GALNT9: variants seen among roughly 807,000 people sequenced by gnomAD.
GALNT9 encodes the protein polypeptide N-acetylgalactosaminyltransferase 9.
GALNT9 carries 47 observed loss-of-function variants against 63.1 expected under a neutral mutation model. The observed-to-expected ratio is 0.75, with a 90% CI of 0.59 to 0.95. The LOEUF (loss-of-function observed/expected upper bound fraction) is 0.95. GALNT9 is among the 40% of genes least tolerant of loss of function. The pLI, the probability that GALNT9 is intolerant of heterozygous loss-of-function variation, is 0.00. For synonymous variants in GALNT9, 396 were observed against 365.7 expected (o/e 1.08, Z -0.94); for missense variants, 829 against 874.8 (o/e 0.95, Z 0.66).
At chr12:132,241,167 A>G (rs1311355249) in intron 6 of GALNT9, among the ~76,000 whole-genome samples, 86 of 103,452 alleles carry the variant, frequency 8.3e-4, no homozygotes, top group South Asian at 1.5e-3. Flanking sequence ...CACACGCCAC[A>G]CCCCCTTCCC....
chr12:132,222,899 C>CCCCAAACAA (rs1555235647), intron 6 of GALNT9, among the ~76,000 whole-genome samples: 1 of 98,230 alleles, frequency 1.0e-5, no homozygotes, highest in East Asian at 3.0e-4. Context: ...ACAACCCGCA[C>CCCCAAACAA]CCCACACCCC....
intron 5 of GALNT9, among the ~76,000 whole-genome samples, chr12:132,249,308 C>T (rs1736894710): frequency 6.6e-6 from 1 of 152,226 alleles, no homozygotes; most frequent in African/African-American, 2.4e-5. Context: ...TGATCCTCCT[C>T]TGCGTATCAA....
intron 1 of GALNT9, among the ~76,000 whole-genome samples, chr12:132,304,422 C>A (rs369772773): frequency 1.6e-5 from 1 of 62,390 alleles, no homozygotes; most frequent in South Asian, 7.4e-4. Context: ...CGCCCTCACC[C>A]GGGCACAGCC....
At chr12:132,205,395 T>G (rs1334365066) in intron 6 of GALNT9, 1 of 151,832 alleles carries the variant, frequency 6.6e-6, no homozygotes, top group African/African-American at 2.4e-5. Flanking sequence ...GCAGGACAGA[T>G]CCAGAGTCCG....
Position 132,236,269 on chromosome 12 carries a change from G to A in GALNT9, c.1077+11641C>T, listed in dbSNP as rs2136894539. Among the ~76,000 whole-genome samples the A allele has an allele frequency of 3.7e-4, 56 of 152,046 alleles. 1 individual carries two copies. The South Asian group carries it at 0.01, about 28-fold the overall frequency. ...ATGACAGCCCCGACAGGCGGCTGGCGGGGAGCGGGTGGGGGCCATGGCCCT... is the reference window on the plus strand; with the variant it reads ...ATGACAGCCCCGACAGGCGGCTGGCAGGGAGCGGGTGGGGGCCATGGCCCT... On this transcript the variant is annotated intron_variant, in intron 6 of 10. Transcript: ENST00000328957. The surrounding 1 kb of genome is among the most constrained non-coding windows in gnomAD (Gnocchi z 5.6).
At chr12:132,260,907 G>C in intron 4 of GALNT9, 41 bp downstream of exon 4, 7 of 1,480,848 alleles carry the variant, frequency 4.7e-6, no homozygotes, top group South Asian at 1.4e-5. Context: ...GGTGGAGGGG[G>C]ACCCGCTGAG....
At chr12:132,248,077 C>T in intron 5 of GALNT9, 50 bp from the exon 6 acceptor site, 1 of 1,514,130 alleles carries the variant, frequency 6.6e-7, no homozygotes, top group Non-Finnish European at 8.9e-7. Flanking sequence ...AGGCCTGAGC[C>T]CTGCCTGCTG....
intron 5 of GALNT9, among the ~76,000 whole-genome samples, chr12:132,254,685 G>A (rs1261625241): frequency 6.6e-6 from 1 of 152,248 alleles, no homozygotes; most frequent in African/African-American, 2.4e-5. Context: ...AGAGAAGAGG[G>A]CTAGTGTCAC....
At chr12:132,308,812 C>T (rs1306109792) in intron 1 of GALNT9, among the ~76,000 whole-genome samples, 1 of 152,036 alleles carries the variant, frequency 6.6e-6, no homozygotes, top group Non-Finnish European at 1.5e-5. Flanking sequence ...ACGTGTGCAC[C>T]GGCCGTCCTC....
At chr12:132,251,927 T>C (rs1878931992) in intron 5 of GALNT9, among the ~76,000 whole-genome samples, 1 of 152,076 alleles carries the variant, frequency 6.6e-6, no homozygotes, top group South Asian at 2.1e-4. Flanking sequence ...GCAGCCCCGA[T>C]GAGAGCCAGC....
chr12:132,311,685 G>A (rs1238812487), intron 1 of GALNT9, among the ~76,000 whole-genome samples: 1 of 152,218 alleles, frequency 6.6e-6, no homozygotes, highest in Non-Finnish European at 1.5e-5. Flanking sequence ...GACACCAGCA[G>A]CCTCCACCGT....
chr12:132,312,675 C>T (rs1881856686), intron 1 of GALNT9, among the ~76,000 whole-genome samples: 1 of 152,226 alleles, frequency 6.6e-6, no homozygotes, highest in Non-Finnish European at 1.5e-5. Flanking sequence ...CAGGAACCCA[C>T]ACACGGAGGA....
intron 6 of GALNT9, among the ~76,000 whole-genome samples, chr12:132,222,071 G>A (rs1292228653): frequency 3.9e-5 from 6 of 152,082 alleles, no homozygotes; most frequent in Admixed American, 1.3e-4. Context: ...TTCCGTTCGC[G>A]GCTGAGGATG....
intron 8 of GALNT9, among the ~76,000 whole-genome samples, chr12:132,199,938 C>G (rs112215505): frequency 1.3e-4 from 20 of 152,316 alleles, no homozygotes; most frequent in African/African-American, 4.8e-4. Context: ...ACGGCCACCA[C>G]GAGAGGTCAC....
rs1348105294 is a variant in GALNT9, at chr12:132,252,413, T to A, written c.960-4386A>T. ...GAAGGCAGAGAAGCACGTGCCACGTTTTAGAAAGAGTTTGCATCCACAATG... is the reference window on the plus strand; with the variant it reads ...GAAGGCAGAGAAGCACGTGCCACGTATTAGAAAGAGTTTGCATCCACAATG... On this transcript the variant is annotated intron_variant, in intron 5 of 10. Coordinates refer to ENST00000328957, the MANE Select transcript of GALNT9 (RefSeq NM_001122636.2). This position sits in a 1 kb window ranked among gnomAD's most constrained non-coding sequence, Gnocchi z 5.2. Among the ~76,000 whole-genome samples the A allele has an allele frequency of 3.3e-5, 5 of 152,166 alleles. No homozygotes were observed. Among genetic ancestry groups the A allele is most frequent in the African/African-American group, 7.2e-5 (3 of 41,440 alleles).
intron 2 of GALNT9, among the ~76,000 whole-genome samples, chr12:132,271,799 C>T (rs1243052653): frequency 2.6e-5 from 4 of 152,062 alleles, no homozygotes; most frequent in Non-Finnish European, 4.4e-5. Flanking sequence ...CCGCACAGAA[C>T]GTGCAGGGAG....
intron 3 of GALNT9, 82 bp downstream of exon 3, chr12:132,262,377 C>T (rs782539936): frequency 1.6e-5 from 23 of 1,479,448 alleles, no homozygotes; most frequent in Non-Finnish European, 1.9e-5. Flanking sequence ...CGCTCTGCCC[C>T]CGGAGGCTCC....
At position 132,197,860 on chromosome 12, in the gene GALNT9, G is replaced by T; in HGVS notation, c.1597C>A (p.Arg533Ser). The T allele has an allele frequency of 6.2e-7, 1 of 1,609,170 alleles. No homozygotes were observed. The highest frequency in any genetic ancestry group is 8.5e-7 in the Non-Finnish European group (1 of 1,178,630). Residue 533 changes from arginine to serine, a missense_variant, in exon 10 of 11, where the codon CGC (arginine) becomes AGC (serine). Coordinates refer to ENST00000328957, the MANE Select transcript of GALNT9 (RefSeq NM_001122636.2). Reference protein sequence around the residue: ...SKCLVDDGTGRMPTLKKCEDV... With the variant: ...SKCLVDDGTGSMPTLKKCEDV... ...TCACACTTCTTCAGGGTGGGCATGCGGCCCGTGCCGTCATCCACCAGACAC... is the reference window on the plus strand; with the variant it reads ...TCACACTTCTTCAGGGTGGGCATGCTGCCCGTGCCGTCATCCACCAGACAC...
intron 1 of GALNT9, among the ~76,000 whole-genome samples, chr12:132,299,846 G>A (rs1169989973): frequency 1.7e-5 from 2 of 115,086 alleles, no homozygotes; most frequent in African/African-American, 3.5e-5. Flanking sequence ...CCCCTGAGAT[G>A]ACCAACCCAC....
Sources: gnomAD v4.1 joint callset for allele counts (sites outside exome capture counted in the v4.1 genomes callset) on GRCh38, gnomAD v4.1.1 for gene constraint, Gnocchi (gnomAD v3.1) non-coding constraint, MANE v1.5 for transcripts, NCBI Gene and HGNC (gene_info 2026-07-23, HGNC 2026-07-21) for gene names.